Variants in KAZN observed in about 807,000 individuals in gnomAD.
KAZN encodes the protein kazrin, periplakin interacting protein, also known as kazrin.
A neutral mutation model predicts 87.4 loss-of-function variants in KAZN; 40 were observed. The observed-to-expected ratio is 0.46, with a 90% CI of 0.36 to 0.60. The LOEUF (loss-of-function observed/expected upper bound fraction) is 0.60, where lower values mean the gene tolerates loss of function less well. Ranked by LOEUF, KAZN falls within the 20% of genes least tolerant of loss-of-function variation. The pLI, the probability that KAZN is intolerant of heterozygous loss-of-function variation, is 0.00. For missense variants in KAZN, 898 were observed against 1,073.9 expected (o/e 0.84, Z 2.29); for synonymous variants, 466 against 458.3 (o/e 1.02, Z -0.22).
At position 14,502,870 on chromosome 1, in the gene KAZN, C is replaced by A. The variant is rs1670336132; in HGVS notation, c.250-96113C>A. Among the ~76,000 whole-genome samples the A allele has an allele frequency of 2.0e-5, 3 of 152,144 alleles. No homozygotes were observed. The South Asian group carries it at 6.2e-4, about 32-fold the overall frequency. ...TTTATGATCCCTATTTTATGAACACCCTTCAGAGAGAGTTGCTCAATGACA... is the reference window on the plus strand; with the variant it reads ...TTTATGATCCCTATTTTATGAACACACTTCAGAGAGAGTTGCTCAATGACA... On this transcript the variant is annotated intron_variant, in intron 2 of 16. Transcript: ENST00000636203.
In KAZN at chr1:14,554,878, T is replaced by C. The variant is rs151211066; in HGVS notation, c.250-44105T>C. On this transcript the variant is annotated intron_variant, in intron 2 of 16. Transcript: ENST00000636203. ...CACACCGACGTCGAGTCACAAACCA[T>C]CCCAGTGCTACACAAACCAAAACAT... 3.6e-3 allele frequency among the ~76,000 whole-genome samples: 551 copies of C among 152,278 alleles called. 4 individuals are homozygous for C. Among genetic ancestry groups the C allele is most frequent in the African/African-American group, 0.012 (517 of 41,554 alleles).
At chr1:14,588,164 C>T (rs879848437) in intron 2 of KAZN, among the ~76,000 whole-genome samples, 5 of 152,126 alleles carry the variant, frequency 3.3e-5, no homozygotes, top group Admixed American at 1.3e-4. Flanking sequence ...TACTTAGCAC[C>T]GGGTGTGGTG....
Position 14,160,841 on chromosome 1 carries a change from C to T in KAZN, c.92-19594C>T, listed in dbSNP as rs77064716. Among the ~76,000 whole-genome samples, 1,068 of 152,230 alleles carry T rather than the reference C, an allele frequency of 7.0e-3. 8 individuals are homozygous for T. The highest frequency in any genetic ancestry group is 0.024 in the African/African-American group (977 of 41,510). ...GTTCAACTGCTACTATTTTTTGAAGCTATGTTTTAGAAGATTGCATCTGAT... is the reference window on the plus strand; with the variant it reads ...GTTCAACTGCTACTATTTTTTGAAGTTATGTTTTAGAAGATTGCATCTGAT... On this transcript the variant is annotated intron_variant, in intron 1 of 16. Coordinates refer to the KAZN transcript ENST00000636203.
intron 1 of KAZN, among the ~76,000 whole-genome samples, chr1:14,627,858 T>TGG (rs954074811): frequency 3.3e-5 from 5 of 152,278 alleles, no homozygotes; most frequent in Admixed American, 6.5e-5. Context: ...TGTTCTTGTG[T>TGG]GGGGTTGAGG....
intron 4 of KAZN, among the ~76,000 whole-genome samples, chr1:15,046,133 A>G (rs1315999854): frequency 3.3e-5 from 5 of 152,146 alleles, no homozygotes; most frequent in African/African-American, 1.2e-4. Context: ...CCTTGTCTCT[A>G]CTAAAAATAC....
chr1:14,776,270 C>T (rs113343809), intron 1 of KAZN, among the ~76,000 whole-genome samples: 1,558 of 152,344 alleles, frequency 0.01, 32 homozygotes, highest in African/African-American at 0.035. Context: ...TCCCAAAGTG[C>T]TGGGATTACA....
At chr1:14,033,778 G>A (rs1266978538) in intron 1 of KAZN, among the ~76,000 whole-genome samples, 2 of 152,200 alleles carry the variant, frequency 1.3e-5, no homozygotes, top group Non-Finnish European at 2.9e-5. Flanking sequence ...CCCATGTCAA[G>A]CAAAGCAAGT....
At chr1:14,640,800 C>T (rs116181776) in intron 1 of KAZN, among the ~76,000 whole-genome samples, 1 of 152,170 alleles carries the variant, frequency 6.6e-6, no homozygotes, top group Non-Finnish European at 1.5e-5. Flanking sequence ...CACCTCTGAC[C>T]CCTTTAGCAG....
intron 2 of KAZN, among the ~76,000 whole-genome samples, chr1:14,310,739 A>G (rs1395413647): frequency 6.6e-6 from 1 of 152,202 alleles, no homozygotes; most frequent in Non-Finnish European, 1.5e-5. Flanking sequence ...ACATCTGCTC[A>G]CTGCCACATT....
intron 2 of KAZN, among the ~76,000 whole-genome samples, chr1:15,031,229 G>A (rs938392128): frequency 1.3e-5 from 2 of 152,234 alleles, no homozygotes; most frequent in African/African-American, 4.8e-5. Context: ...ACATGGCTGC[G>A]TGATTTTAAA....
chr1:14,850,083 A>G (rs776339890), intron 1 of KAZN, among the ~76,000 whole-genome samples: 1 of 151,744 alleles, frequency 6.6e-6, no homozygotes. Context: ...CTACAGGTGT[A>G]CGCCACCACA....
chr1:14,471,698 A>T (rs1294712441), intron 2 of KAZN, among the ~76,000 whole-genome samples: 3 of 152,210 alleles, frequency 2.0e-5, no homozygotes, highest in African/African-American at 7.2e-5. Flanking sequence ...TGGAAAAGCT[A>T]TCAGTCTTCC....
At chr1:13,966,202 C>T (rs1161417000) in intron 1 of KAZN, among the ~76,000 whole-genome samples, 2 of 133,510 alleles carry the variant, frequency 1.5e-5, no homozygotes, top group African/African-American at 2.7e-5. Flanking sequence ...CTACTCCTTC[C>T]CTCCCTCCTA....
intron 1 of KAZN, among the ~76,000 whole-genome samples, chr1:14,091,807 A>G (rs564603655): frequency 6.6e-6 from 1 of 152,332 alleles, no homozygotes; most frequent in South Asian, 2.1e-4. Context: ...ACCTTGGAAG[A>G]CTAGAATCCA....
At position 14,996,021 on chromosome 1, in the gene KAZN, A is replaced by T. The variant is rs1667828195; in HGVS notation, c.418+35146A>T. Among the ~76,000 whole-genome samples the T allele has an allele frequency of 1.3e-5, 2 of 152,028 alleles. No homozygotes were observed. The highest frequency in any genetic ancestry group is 3.9e-4 in the East Asian group (2 of 5,184). ...GACCCAAGGGCGGCTGCCCTATAAG[A>T]CACCTAATGCCATCCTCAGCCCGCG... On this transcript the variant is annotated intron_variant, in intron 2 of 14. Transcript: ENST00000376030. The surrounding 1 kb of genome is among the most constrained non-coding windows in gnomAD (Gnocchi z 5.9).
chr1:15,015,707 G>A (rs1202381224), intron 2 of KAZN, among the ~76,000 whole-genome samples: 2 of 152,156 alleles, frequency 1.3e-5, no homozygotes, highest in African/African-American at 4.8e-5. Context: ...TGCTCCACAG[G>A]TCCTTCTATA....
At chr1:15,110,509 G>GTATGTA (rs775658003) in intron 13 of KAZN, among the ~76,000 whole-genome samples, 1 of 81,322 alleles carries the variant, frequency 1.2e-5, no homozygotes, top group South Asian at 3.8e-4. Context: ...GTGTGTATTT[G>GTATGTA]TGTGTTTGTG....
rs984957715 is a variant in KAZN at position 14,069,571 on chromosome 1, G to A, written c.92-110864G>A. Among the ~76,000 whole-genome samples the A allele has an allele frequency of 4.6e-5, 7 of 152,254 alleles. No individual in the cohort carries two copies. The South Asian group carries it at 1.0e-3, about 23-fold the overall frequency. Reference sequence around the variant, plus strand: ...TATTTGGAGCCATATCTGTGTTACCGGGAAGATTTAGCTGGCTTTCTGAAA... The same window carrying A: ...TATTTGGAGCCATATCTGTGTTACCAGGAAGATTTAGCTGGCTTTCTGAAA... On this transcript the variant is annotated intron_variant, in intron 1 of 16. Coordinates refer to the KAZN transcript ENST00000636203.
chr1:14,202,512 G>A (rs1646660340), intron 2 of KAZN, among the ~76,000 whole-genome samples: 1 of 152,136 alleles, frequency 6.6e-6, no homozygotes, highest in Admixed American at 6.5e-5. Flanking sequence ...AAGAGAGCAG[G>A]GATGGTGTGG....
Sources: allele counts gnomAD v4.1 joint callset (sites outside exome capture counted in the v4.1 genomes callset), GRCh38; gene constraint gnomAD v4.1.1; non-coding constraint Gnocchi (gnomAD v3.1); transcripts MANE v1.5; gene names NCBI Gene and HGNC (gene_info 2026-07-23, HGNC 2026-07-21).